CHST11: variants seen among roughly 807,000 people sequenced by gnomAD.
CHST11 encodes C4S-1.
Under a neutral mutation model 30.4 loss-of-function variants are expected in CHST11, and 9 were observed. That is an observed-to-expected ratio of 0.30 (90% CI 0.18 to 0.52). The LOEUF (loss-of-function observed/expected upper bound fraction) is 0.52, where lower values mean the gene tolerates loss of function less well. Among genes scored for constraint, CHST11 ranks in the 20% least tolerant of loss-of-function variants. The pLI is 0.97. For missense variants in CHST11, 348 were observed against 460.6 expected (o/e 0.76, Z 2.24); for synonymous variants, 152 against 187.8 (o/e 0.81, Z 1.56).
chr12:104,623,289 T>C (rs1189450233), intron 2 of CHST11, among the ~76,000 whole-genome samples: 1 of 152,204 alleles, frequency 6.6e-6, no homozygotes, highest in Non-Finnish European at 1.5e-5. Context: ...ATGGGAATAA[T>C]AATGCCTCCC....
At chr12:104,568,381 G>A (rs183102611) in intron 1 of CHST11, among the ~76,000 whole-genome samples, 19 of 152,288 alleles carry the variant, frequency 1.2e-4, no homozygotes, top group African/African-American at 3.4e-4. Context: ...TTAGCCCTCA[G>A]CCCTGCCATG....
intron 2 of CHST11, among the ~76,000 whole-genome samples, chr12:104,717,730 C>A (rs1270888348): frequency 6.6e-6 from 1 of 152,088 alleles, no homozygotes. Context: ...GATATCACGC[C>A]ACTGCACTCC....
In CHST11 at chr12:104,758,336, T is replaced by C. The variant is rs2040497051; in HGVS notation, c.*533T>C. 1 of 152,548 alleles carries C rather than the reference T, an allele frequency of 6.6e-6. No homozygotes were observed. The allele number at this position is 152,548 out of a possible 1,614,324, so 9.4% of individuals were successfully genotyped here. A position where few individuals can be genotyped will look rare whatever the true frequency, so the allele number is the denominator to read the frequency against. ...TAGGTTGCTATTGCACTTAGAGTCA[T>C]CTTTGCAAGGGACTCATTCCAAACC... On this transcript the variant is annotated 3_prime_UTR_variant, in exon 3 of 3. Transcript: ENST00000303694.
chr12:104,484,120 G>A (rs2037654514), intron 1 of CHST11, among the ~76,000 whole-genome samples: 1 of 152,220 alleles, frequency 6.6e-6, no homozygotes, highest in Non-Finnish European at 1.5e-5. Flanking sequence ...CATGGTCAGA[G>A]TGACCCATTT....
intron 2 of CHST11, among the ~76,000 whole-genome samples, chr12:104,755,604 A>T (rs1483562075): frequency 6.6e-6 from 1 of 152,070 alleles, no homozygotes; most frequent in Non-Finnish European, 1.5e-5. Flanking sequence ...TGACCAACGT[A>T]GTGAAACCCC....
At chr12:104,590,236 A>G (rs1268493148) in intron 1 of CHST11, among the ~76,000 whole-genome samples, 1 of 151,626 alleles carries the variant, frequency 6.6e-6, no homozygotes, top group East Asian at 1.9e-4. Flanking sequence ...GCATCCCCAG[A>G]CTCTTCCAAG....
At chr12:104,502,200 A>C (rs1403326020) in intron 1 of CHST11, among the ~76,000 whole-genome samples, 3 of 151,514 alleles carry the variant, frequency 2.0e-5, no homozygotes, top group Non-Finnish European at 4.4e-5. Context: ...GCTAATTTTT[A>C]CATTTTTTTG....
chr12:104,675,956 C>A (rs891845736), intron 2 of CHST11, among the ~76,000 whole-genome samples: 11 of 152,128 alleles, frequency 7.2e-5, no homozygotes, highest in Non-Finnish European at 1.0e-4. Flanking sequence ...GAGGTGTAGG[C>A]TAAAATCCAG....
rs553371540 is a variant in CHST11, at chr12:104,519,030, A to AATGTCATGAT, written c.118+61502_118+61511dup. On this transcript the variant is annotated intron_variant, in intron 1 of 2. Transcript: ENST00000303694. ...TCAGTCGGATTATAGAGTTGGAGCA[A>AATGTCATGAT]ATGTCATGATGAACTTTGAGGCCTA... is the stretch of plus-strand genomic sequence containing the variant. 3.8e-3 allele frequency among the ~76,000 whole-genome samples: 552 copies of AATGTCATGAT among 144,880 alleles called. 5 individuals are homozygous for AATGTCATGAT. The highest frequency in any genetic ancestry group is 0.014 in the African/African-American group (516 of 38,168).
chr12:104,726,984 T>A (rs557810755), intron 2 of CHST11, among the ~76,000 whole-genome samples: 2 of 152,270 alleles, frequency 1.3e-5, no homozygotes, highest in South Asian at 4.2e-4. Flanking sequence ...CAAAGGATGA[T>A]TATGCCCACC....
In CHST11 at chr12:104,577,234, A is replaced by ATTT. The variant is rs34967812; in HGVS notation, c.119-24646_119-24644dup. Among the ~76,000 whole-genome samples, 86 of 74,238 alleles carry ATTT rather than the reference A, an allele frequency of 1.2e-3. 3 individuals are homozygous for ATTT. Among genetic ancestry groups the ATTT allele is most frequent in the African/African-American group, 4.6e-3 (77 of 16,718 alleles). 48.7% of individuals were successfully genotyped at this position (74,238 alleles called of 152,430 possible). Reference sequence around the variant, plus strand: ...GTGTATCTGAGGGCTGCAGCCCTTCATTTTTTTTTTTTTTTTTTTTTTTTT... The same window carrying ATTT: ...GTGTATCTGAGGGCTGCAGCCCTTCATTTTTTTTTTTTTTTTTTTTTTTTTTTT... On this transcript the variant is annotated intron_variant, in intron 1 of 2. Coordinates refer to ENST00000303694, the MANE Select transcript of CHST11 (RefSeq NM_018413.6).
intron 2 of CHST11, among the ~76,000 whole-genome samples, chr12:104,680,074 C>T (rs986756115): frequency 5.9e-5 from 9 of 152,268 alleles, no homozygotes; most frequent in African/African-American, 1.9e-4. Context: ...ATCAACTGGA[C>T]TCCTGCTGTG....
At chr12:104,643,636 TCACA>T (rs34979854) in intron 2 of CHST11, among the ~76,000 whole-genome samples, 1 of 150,422 alleles carries the variant, frequency 6.6e-6, no homozygotes, top group Non-Finnish European at 1.5e-5. Flanking sequence ...GACTTTTTCT[TCACA>T]CACACACACA....
chr12:104,576,608 G>A (rs755091716), intron 1 of CHST11, among the ~76,000 whole-genome samples: 1 of 152,200 alleles, frequency 6.6e-6, no homozygotes, highest in Non-Finnish European at 1.5e-5. Flanking sequence ...AGCAAGAGCT[G>A]GGAGCACCTC....
intron 1 of CHST11, among the ~76,000 whole-genome samples, chr12:104,583,672 G>A (rs1390878048): frequency 6.6e-6 from 1 of 152,056 alleles, no homozygotes; most frequent in East Asian, 1.9e-4. Context: ...CCTAAAATAT[G>A]CAGAAATTAA....
chr12:104,510,767 AT>A (rs1231158581), intron 1 of CHST11, among the ~76,000 whole-genome samples: 2 of 152,046 alleles, frequency 1.3e-5, no homozygotes, highest in African/African-American at 4.8e-5. Context: ...GAGTGTATTT[AT>A]GAGAAGTTGG....
rs1555226434 is a variant in CHST11, at chr12:104,475,688, A to ATATATATATATATTTATT, written c.118+18162_118+18163insATATATATATTTATTTAT. Reference sequence around the variant, plus strand: ...TATATATATATATATATATATATATATATTTCTGATTATGAAATTAATTCA... The same window carrying ATATATATATATATTTATT: ...TATATATATATATATATATATATATATATATATATATATTTATTTATTTCTGATTATGAAATTAATTCA... On this transcript the variant is annotated intron_variant, in intron 1 of 2. Transcript: ENST00000303694. Among the ~76,000 whole-genome samples, 121 of 78,430 alleles carry ATATATATATATATTTATT rather than the reference A, an allele frequency of 1.5e-3. 1 individual carries two copies. The highest frequency in any genetic ancestry group is 2.8e-3 in the Non-Finnish European group (95 of 34,480). 51.5% of individuals were successfully genotyped at this position (78,430 alleles called of 152,430 possible).
intron 2 of CHST11, among the ~76,000 whole-genome samples, chr12:104,698,045 G>T (rs1317351560): frequency 6.6e-5 from 10 of 152,136 alleles, no homozygotes; most frequent in African/African-American, 1.7e-4. Flanking sequence ...TGTCCTTACT[G>T]GTCTCCTGGC....
chr12:104,618,361 C>T lies in CHST11; in HGVS notation c.204+16370C>T, dbSNP rs140536784. ...ACTTCAGCCTCCCAAGTAGCTGGGA[C>T]CACAGGCCTGGGCCACCACACCCAG... On this transcript the variant is annotated intron_variant, in intron 2 of 2. Transcript: ENST00000303694. Among the ~76,000 whole-genome samples, 228 of 151,788 alleles carry T rather than the reference C, an allele frequency of 1.5e-3. 1 individual carries two copies. The highest frequency in any genetic ancestry group is 5.3e-3 in the African/African-American group (220 of 41,382).
Sources: gnomAD v4.1 joint callset for allele counts (sites outside exome capture counted in the v4.1 genomes callset) on GRCh38, gnomAD v4.1.1 for gene constraint, MANE v1.5 for transcripts, NCBI Gene and HGNC (gene_info 2026-07-23, HGNC 2026-07-21) for gene names.